Variants in FHIT observed in about 807,000 individuals in gnomAD.
FHIT encodes the protein bis(5'-adenosyl)-triphosphatase.
In FHIT, 19 loss-of-function variants were observed where a neutral mutation model predicts 17.9. The ratio of observed to expected loss-of-function variants is 1.06; its 90% CI spans 0.74 to 1.56. The LOEUF (loss-of-function observed/expected upper bound fraction) is 1.56, where lower values mean the gene tolerates loss of function less well. Ranked by LOEUF, FHIT falls within the 40% of genes most tolerant of loss-of-function variation. The probability of loss-of-function intolerance (pLI) is 0.00; values close to 1 mark genes in which losing one functional copy is unlikely to be tolerated. For missense variants in FHIT, 248 were observed against 189.2 expected (o/e 1.31, Z -1.82); for synonymous variants, 81 against 69.7 (o/e 1.16, Z -0.81).
chr3:60,651,232 G>A (rs1311457491), intron 4 of FHIT, among the ~76,000 whole-genome samples: 16 of 151,850 alleles, frequency 1.1e-4, no homozygotes, highest in African/African-American at 3.9e-4. Flanking sequence ...CCTAAAATGG[G>A]GAATTGCCAG....
rs62268662 is a variant in FHIT at position 60,967,908 on chromosome 3, T to A, written c.-111+74139A>T. On this transcript the variant is annotated intron_variant, in intron 3 of 9. Coordinates refer to ENST00000492590, the MANE Select transcript of FHIT (RefSeq NM_002012.4). ...TACCATCTATTAAAAAAATTAAATA[T>A]GCTAATTCGCCACTACAATTTAAAA... is the stretch of plus-strand genomic sequence containing the variant. 9.7e-3 allele frequency among the ~76,000 whole-genome samples: 1,485 copies of A among 152,330 alleles called. 15 individuals carry two copies. Among genetic ancestry groups the A allele is most frequent in the Non-Finnish European group, 0.017 (1,139 of 68,030 alleles).
At chr3:60,275,797 T>G (rs561175821) in intron 5 of FHIT, among the ~76,000 whole-genome samples, 7 of 152,298 alleles carry the variant, frequency 4.6e-5, no homozygotes, top group African/African-American at 1.7e-4. Flanking sequence ...TATCTTCTCA[T>G]GTGGTCTTTC....
At chr3:60,124,782 A>G (rs753176002) in intron 5 of FHIT, among the ~76,000 whole-genome samples, 12 of 152,134 alleles carry the variant, frequency 7.9e-5, no homozygotes, top group Admixed American at 2.6e-4. Flanking sequence ...TTTGACACCA[A>G]CTAGCCTTGA....
chr3:60,441,405 T>G (rs865934895), intron 5 of FHIT, among the ~76,000 whole-genome samples: 1 of 152,022 alleles, frequency 6.6e-6, no homozygotes, highest in Non-Finnish European at 1.5e-5. Context: ...TACTTAACAA[T>G]GAAGTAGCTC....
At chr3:60,011,688 AAGGCTGAAAATGTTTGGGG>A (rs1243487806) in intron 6 of FHIT, among the ~76,000 whole-genome samples, 5 of 152,190 alleles carry the variant, frequency 3.3e-5, no homozygotes, top group Non-Finnish European at 5.9e-5. Flanking sequence ...GCATTAAAGG[AAGGCTGAAAATGTTTGGGG>A]AGGTGAAGTA....
chr3:60,342,599 T>G (rs532402283), intron 5 of FHIT, among the ~76,000 whole-genome samples: 1 of 152,332 alleles, frequency 6.6e-6, no homozygotes, highest in South Asian at 2.1e-4. Flanking sequence ...TGTAAAACTA[T>G]GAGTTGGCCC....
rs545280404 is a variant in FHIT at position 60,711,418 on chromosome 3, G to A, written c.-18+110501C>T. Among the ~76,000 whole-genome samples the A allele has an allele frequency of 8.5e-5, 13 of 152,300 alleles. No homozygotes were observed. In the East Asian group the frequency reaches 2.3e-3, roughly 27 times the overall value. ...TCCTCACCAGCAATGGAACAAAGCT[G>A]GACAGAGAATGACTTTGACAAGTTG... On this transcript the variant is annotated intron_variant, in intron 4 of 9. Transcript: ENST00000492590.
chr3:60,788,281 A>G lies in FHIT; in HGVS notation c.-18+33638T>C, dbSNP rs530115270. On this transcript the variant is annotated intron_variant, in intron 4 of 9. Transcript: ENST00000492590. ...ACTCCAGCCTGGGCAACAGAGTGAG[A>G]CCCTATCTCTTAAAAACAAAAAAAA... is the stretch of plus-strand genomic sequence containing the variant. Among the ~76,000 whole-genome samples, 125 of 152,116 alleles carry G rather than the reference A, an allele frequency of 8.2e-4. 1 individual carries two copies. Among genetic ancestry groups the G allele is most frequent in the African/African-American group, 2.7e-3 (110 of 41,482 alleles).
At chr3:60,857,620 C>A (rs1189582384) in intron 3 of FHIT, among the ~76,000 whole-genome samples, 1 of 152,202 alleles carries the variant, frequency 6.6e-6, no homozygotes, top group Non-Finnish European at 1.5e-5. Flanking sequence ...TGCCCATCAA[C>A]ATCTGAGACA....
At chr3:59,955,732 A>T (rs953855450) in intron 7 of FHIT, among the ~76,000 whole-genome samples, 4 of 151,130 alleles carry the variant, frequency 2.6e-5, no homozygotes, top group Non-Finnish European at 5.9e-5. Context: ...CATTCACAGC[A>T]CCTCCTCTCC....
chr3:60,883,447 A>G (rs1164791480), intron 3 of FHIT, among the ~76,000 whole-genome samples: 1 of 152,202 alleles, frequency 6.6e-6, no homozygotes, highest in Non-Finnish European at 1.5e-5. Context: ...GAGGTAGCAC[A>G]TTATCTGACT....
intron 1 of FHIT, among the ~76,000 whole-genome samples, chr3:61,235,708 A>G (rs2040214545): frequency 6.6e-6 from 1 of 152,084 alleles, no homozygotes; most frequent in Non-Finnish European, 1.5e-5. Flanking sequence ...TCTCAAAAAA[A>G]AAAGAACCCA....
chr3:60,653,685 G>A (rs745428849), intron 4 of FHIT, among the ~76,000 whole-genome samples: 1 of 151,882 alleles, frequency 6.6e-6, no homozygotes, highest in Non-Finnish European at 1.5e-5. Context: ...AAAAGAAGGT[G>A]GCCTACAAAA....
chr3:61,248,723 A>T (rs943018965), intron 1 of FHIT, among the ~76,000 whole-genome samples: 16 of 152,240 alleles, frequency 1.1e-4, no homozygotes, highest in African/African-American at 3.4e-4. Context: ...TTCCTAAAGC[A>T]TTCTATCAAA....
At chr3:60,455,250 C>T (rs1476286611) in intron 5 of FHIT, among the ~76,000 whole-genome samples, 1 of 152,052 alleles carries the variant, frequency 6.6e-6, no homozygotes, top group Non-Finnish European at 1.5e-5. Context: ...TATGATCAGA[C>T]AAGACTCTTC....
At chr3:60,063,939 G>A (rs952278192) in intron 5 of FHIT, among the ~76,000 whole-genome samples, 1 of 152,178 alleles carries the variant, frequency 6.6e-6, no homozygotes, top group Admixed American at 6.5e-5. Flanking sequence ...GATATACTAT[G>A]CTTTGAAACA....
At chr3:60,063,555 AT>A (rs112042372) in intron 5 of FHIT, among the ~76,000 whole-genome samples, 4,834 of 152,220 alleles carry the variant, frequency 0.032, 239 homozygotes, top group African/African-American at 0.11. Flanking sequence ...ATGCCATTCA[AT>A]TTTTTTAGAA....
intron 4 of FHIT, among the ~76,000 whole-genome samples, chr3:60,772,815 T>C (rs1267946546): frequency 6.6e-6 from 1 of 152,196 alleles, no homozygotes; most frequent in African/African-American, 2.4e-5. Context: ...GTTTTTTGCA[T>C]GTCTGGCACC....
intron 4 of FHIT, among the ~76,000 whole-genome samples, chr3:60,818,648 T>G (rs1701818315): frequency 6.6e-6 from 1 of 152,296 alleles, no homozygotes; most frequent in East Asian, 1.9e-4. Context: ...GTAACTCTTT[T>G]TGTCTGAAAG....
Sources: gnomAD v4.1 joint callset for allele counts (sites outside exome capture counted in the v4.1 genomes callset) on GRCh38, gnomAD v4.1.1 for gene constraint, MANE v1.5 for transcripts, NCBI Gene and HGNC (gene_info 2026-07-23, HGNC 2026-07-21) for gene names.